The following STT3A variants were observed in gnomAD, a reference collection of about 807,000 sequenced individuals.
STT3A encodes the protein dolichyl-diphosphooligosaccharide--protein glycosyltransferase subunit STT3A.
STT3A carries 34 observed loss-of-function variants against 89.2 expected under a neutral mutation model. The ratio of observed to expected loss-of-function variants is 0.38; its 90% CI spans 0.29 to 0.51. The LOEUF is 0.51. Ranked by LOEUF, STT3A falls within the 20% of genes least tolerant of loss-of-function variation. The pLI is 0.89. For missense variants in STT3A, 555 were observed against 889.5 expected, an observed-to-expected ratio of 0.62 and a Z score of 4.78; for synonymous variants, 282 against 310.3, an observed-to-expected ratio of 0.91 and a Z score of 0.96.
In STT3A at chr11:125,608,212, TTG is replaced by T. The variant is rs1939892465; in HGVS notation, c.885_886del (p.Phe295LeufsTer45). The T allele has an allele frequency of 6.2e-7, 1 of 1,614,132 alleles. No homozygotes were observed. Among genetic ancestry groups the T allele is most frequent in the Non-Finnish European group, 8.5e-7 (1 of 1,180,044 alleles). On this transcript the variant is annotated frameshift_variant, in exon 9 of 18. Coordinates refer to ENST00000392708, the MANE Select transcript of STT3A (RefSeq NM_152713.5). LOFTEE classifies it high-confidence loss of function. The stretch of plus-strand genomic sequence containing the variant: ...CGCAGCAAGTTGAATCCACAACAAT[TTG>T]AAGTTCTTTTCCGGAGCGTCATCTC...
At position 125,614,094 on chromosome 11, in the gene STT3A, A is replaced by C. The variant is rs767562058; in HGVS notation, c.1562A>C (p.Lys521Thr). 10 of 1,613,986 alleles carry C rather than the reference A, an allele frequency of 6.2e-6. No homozygotes were observed. The highest frequency in any genetic ancestry group is 7.6e-6 in the Non-Finnish European group (9 of 1,179,900). ...WLRHNTPEDA[K>T]VMSWWDYGYQ... Reference sequence around the variant, plus strand: ...TTCCCATTCTACTTTCAGGATGCGAAGGTCATGTCCTGGTGGGATTATGGC... The same window carrying C: ...TTCCCATTCTACTTTCAGGATGCGACGGTCATGTCCTGGTGGGATTATGGC... Residue 521 changes from lysine (K) to threonine (T), a missense_variant, in exon 14 of 18, where the codon AAG becomes ACG. Coordinates refer to ENST00000392708, the MANE Select transcript of STT3A (RefSeq NM_152713.5). This position sits in a 1 kb window ranked among gnomAD's most constrained non-coding sequence, Gnocchi z 4.9.
chr11:125,597,404 G>T (rs1210589550), intron 3 of STT3A, among the ~76,000 whole-genome samples: 1 of 134,778 alleles, frequency 7.4e-6, no homozygotes, highest in African/African-American at 2.9e-5. Context: ...GGGCAACATG[G>T]TGAAACCCCA....
At chr11:125,609,897 T>G (rs1248536614) in intron 10 of STT3A, 2 of 293,082 alleles carry the variant, frequency 6.8e-6, no homozygotes, top group Non-Finnish European at 1.3e-5. Context: ...GTCGTACTCC[T>G]TCCCCTTTAC....
intron 3 of STT3A, 125 bp from the exon 4 acceptor site, chr11:125,602,178 A>G: frequency 8.7e-7 from 1 of 1,150,254 alleles, no homozygotes; most frequent in Admixed American, 2.5e-5. Context: ...GTGTAAAATG[A>G]TTTTCATGGC....
chr11:125,608,064 C>T, intron 8 of STT3A, 45 bp from the exon 9 acceptor site: 1 of 1,531,618 alleles, frequency 6.5e-7, no homozygotes, highest in Non-Finnish European at 8.8e-7. Flanking sequence ...TGGACTTACT[C>T]ATTTTTTTTC....
chr11:125,614,183 C>T lies in STT3A; in HGVS notation c.1651C>T (p.His551Tyr). The stretch of plus-strand genomic sequence containing the variant: ...GGACAATAACACATGGAATAATACC[C>T]ATATTTCTCGAGTAGGGCAGGTAAG... ...LVDNNTWNNT[H>Y]ISRVGQAMAS... The change falls in exon 14 of 18, where the codon CAT becomes TAT. Residue 551 changes from histidine to tyrosine, a missense_variant. Around this residue, in one of 5 missense-constraint regions of STT3A, gnomAD observed 273 missense variants for 449.8 expected, o/e 0.61. Coordinates refer to ENST00000392708, the MANE Select transcript of STT3A (RefSeq NM_152713.5). This position sits in a 1 kb window ranked among gnomAD's most constrained non-coding sequence, Gnocchi z 4.9. 1 of 1,614,052 alleles carries T rather than the reference C, an allele frequency of 6.2e-7. No homozygotes were observed. The highest frequency in any genetic ancestry group is 8.5e-7 in the Non-Finnish European group (1 of 1,179,982).
Position 125,614,847 on chromosome 11 carries a change from A to G in STT3A, c.1774+421A>G, listed in dbSNP as rs536825574. 2.0e-5 allele frequency among the ~76,000 whole-genome samples: 3 copies of G among 151,760 alleles called. No homozygotes were observed. Among genetic ancestry groups the G allele is most frequent in the Non-Finnish European group, 4.4e-5 (3 of 67,970 alleles). On this transcript the variant is annotated intron_variant, in intron 15 of 17. Coordinates refer to ENST00000392708, the MANE Select transcript of STT3A (RefSeq NM_152713.5). This position sits in a 1 kb window ranked among gnomAD's most constrained non-coding sequence, Gnocchi z 4.9. ...CATTTTATATATATATAAAATATAT[A>G]TAAATAAAAGTGTGTGTAAAATGGA...
chr11:125,615,687 A>G (rs1459823795), intron 15 of STT3A, among the ~76,000 whole-genome samples: 1 of 152,200 alleles, frequency 6.6e-6, no homozygotes, highest in Non-Finnish European at 1.5e-5. Context: ...GAATTTTGAT[A>G]TTCTGGTGGG....
upstream of STT3A, among the ~76,000 whole-genome samples, chr11:125,592,119 G>A (rs1360388432): frequency 6.6e-6 from 1 of 152,194 alleles, no homozygotes; most frequent in African/African-American, 2.4e-5. Flanking sequence ...GCTGGGGAGG[G>A]CTGTGCCTCC....
Position 125,595,881 on chromosome 11 carries a change from C to G in STT3A, c.-35C>G. The G allele has an allele frequency of 7.1e-7, 1 of 1,401,876 alleles. No individual in the cohort carries two copies. Among genetic ancestry groups the G allele is most frequent in the Non-Finnish European group, 1.0e-6 (1 of 993,646 alleles). The allele number at this position is 1,401,876 out of a possible 1,614,324, so 86.8% of individuals were successfully genotyped here. ...TGTGGTCTTGACTTTTTCATTTTAG[C>G]TGATCGTCGTGTGTTGCCACCCATT... is the stretch of plus-strand genomic sequence containing the variant. On this transcript the variant is annotated splice_region_variant and 5_prime_UTR_variant, in exon 2 of 18. Coordinates refer to ENST00000392708, the MANE Select transcript of STT3A (RefSeq NM_152713.5).
Position 125,597,248 on chromosome 11 carries a change from AC to A in STT3A, c.149+132del, listed in dbSNP as rs113884453. 2.4e-3 allele frequency: 2,319 copies of A among 951,854 alleles called. 4 individuals are homozygous for A. Among genetic ancestry groups the A allele is most frequent in the South Asian group, 3.0e-3 (202 of 66,724 alleles). 59.0% of individuals were successfully genotyped at this position (951,854 alleles called of 1,614,324 possible). ...TTCAGTACATTTAAGGGAAAAAAAA[AC>A]CCTTAAATTCTTCCAAAGGAGATAA... On this transcript the variant is annotated intron_variant, in intron 3 of 17. Coordinates refer to ENST00000392708, the MANE Select transcript of STT3A (RefSeq NM_152713.5).
rs1248342159 is a variant in STT3A at position 125,614,088 on chromosome 11, A to T, written c.1556A>T (p.Asp519Val). 1.2e-6 allele frequency: 2 copies of T among 1,613,950 alleles called. No homozygotes were observed. The highest frequency in any genetic ancestry group is 1.7e-6 in the Non-Finnish European group (2 of 1,179,850). Reference protein sequence around the residue: ...YYWLRHNTPEDAKVMSWWDYG... With the variant: ...YYWLRHNTPEVAKVMSWWDYG... Reference sequence around the variant, plus strand: ...TTCCATTTCCCATTCTACTTTCAGGATGCGAAGGTCATGTCCTGGTGGGAT... The same window carrying T: ...TTCCATTTCCCATTCTACTTTCAGGTTGCGAAGGTCATGTCCTGGTGGGAT... The change falls in exon 14 of 18, where the codon GAT (aspartate) becomes GTT (valine). Residue 519 changes from aspartate (D) to valine (V), a missense_variant and splice_region_variant. Coordinates refer to ENST00000392708, the MANE Select transcript of STT3A (RefSeq NM_152713.5). The surrounding 1 kb of genome is among the most constrained non-coding windows in gnomAD (Gnocchi z 4.9).
At chr11:125,597,763 G>C (rs1939539056) in intron 3 of STT3A, among the ~76,000 whole-genome samples, 1 of 152,186 alleles carries the variant, frequency 6.6e-6, no homozygotes, top group South Asian at 2.1e-4. Context: ...AAGGAATTTT[G>C]TTCATTAGAT....
chr11:125,592,511 A>C (rs1939330951), upstream of STT3A: 1 of 455,036 alleles, frequency 2.2e-6, no homozygotes, highest in Non-Finnish European at 4.4e-6. Flanking sequence ...TTCTTGTCAC[A>C]TGACGGGAGT....
chr11:125,617,479 T>C (rs1252768432), intron 15 of STT3A, among the ~76,000 whole-genome samples: 1 of 152,190 alleles, frequency 6.6e-6, no homozygotes, highest in African/African-American at 2.4e-5. Context: ...AGGAATCTTA[T>C]CTTTTTTTAT....
chr11:125,592,587 C>T (rs1261293447), upstream of STT3A: 6 of 433,008 alleles, frequency 1.4e-5, no homozygotes, highest in East Asian at 7.0e-5. Context: ...ACTCCTCGGC[C>T]CTCAACCAAA....
At chr11:125,602,449 T>A (rs1354378848) in intron 4 of STT3A, 25 bp downstream of exon 4, 1 of 1,542,642 alleles carries the variant, frequency 6.5e-7, no homozygotes. Context: ...TGTGTTTTTT[T>A]TTTTAAAAAA....
Position 125,613,895 on chromosome 11 carries a change from A to G in STT3A, c.1555-192A>G, listed in dbSNP as rs1312245047. On this transcript the variant is annotated intron_variant, in intron 13 of 17. Transcript: ENST00000392708. This position sits in a 1 kb window ranked among gnomAD's most constrained non-coding sequence, Gnocchi z 4.2. ...ATGTTGGTTTGTTATTTGTGCTGAG[A>G]TTTTATAATTGTATATAAATGGAAG... 1.8e-6 allele frequency: 1 copy of G among 559,736 alleles called. No individual in the cohort carries two copies. Among genetic ancestry groups the G allele is most frequent in the Non-Finnish European group, 3.2e-6 (1 of 310,872 alleles). The allele number at this position is 559,736 out of a possible 1,614,324, so 34.7% of individuals were successfully genotyped here.
upstream of STT3A, among the ~76,000 whole-genome samples, chr11:125,592,128 C>G (rs933675410): frequency 6.6e-6 from 1 of 152,186 alleles, no homozygotes; most frequent in Admixed American, 6.5e-5. Context: ...GGCTGTGCCT[C>G]CGCGGCGGTG....
Sources: allele counts gnomAD v4.1 joint callset (sites outside exome capture counted in the v4.1 genomes callset), GRCh38; gene constraint gnomAD v4.1.1; regional missense constraint gnomAD v4.1.1; non-coding constraint Gnocchi (gnomAD v3.1); transcripts MANE v1.5; gene names NCBI Gene and HGNC (gene_info 2026-07-23, HGNC 2026-07-21).